Variants in DRC1 observed in about 807,000 individuals in gnomAD.
The protein encoded by DRC1 is dynein regulatory complex protein 1.
Under a neutral mutation model 98.7 loss-of-function variants are expected in DRC1, and 74 were observed. The observed-to-expected ratio is 0.75, with a 90% CI of 0.62 to 0.91. DRC1 has a LOEUF of 0.91. DRC1 is among the 40% of genes least tolerant of loss of function. DRC1 has a pLI of 0.00. For synonymous variants in DRC1, 336 were observed against 334.1 expected (o/e 1.01, Z -0.06); for missense variants, 875 against 886.0 (o/e 0.99, Z 0.16).
intron 4 of DRC1, among the ~76,000 whole-genome samples, chr2:26,424,957 A>G (rs572942297): frequency 7.2e-5 from 11 of 152,000 alleles, no homozygotes; most frequent in Admixed American, 7.2e-4. Context: ...CTCTGTCTCA[A>G]AACAAAAACC....
Position 26,429,727 on chromosome 2 carries a change from G to A in DRC1, c.640G>A (p.Val214Met), listed in dbSNP as rs766549612. Residue 214 changes from valine to methionine, a missense_variant, in exon 5 of 17, where the codon GTG (valine) becomes ATG (methionine). Transcript: ENST00000288710. The stretch of plus-strand genomic sequence containing the variant: ...GCGGATGGAAGAACAGGTGAAGAAT[G>A]TGATGAAAACCTTTCGTGAGGAGCT... ...LERMEEQVKN[V>M]MKTFREELYN... 5 of 1,614,108 alleles carry A rather than the reference G, an allele frequency of 3.1e-6. No homozygotes were observed. Among genetic ancestry groups the A allele is most frequent in the Non-Finnish European group, 3.4e-6 (4 of 1,179,994 alleles).
rs1021216982 is a variant in DRC1, at chr2:26,440,470, T to C, written c.981T>C (p.Asp327=). 4 of 1,613,352 alleles carry C rather than the reference T, an allele frequency of 2.5e-6. No homozygotes were observed. Among genetic ancestry groups the C allele is most frequent in the East Asian group, 4.5e-5 (2 of 44,828 alleles). ...EYNLQVLKKR[D]EESTVIKSQQ... Reference sequence around the variant, plus strand: ...ACTTGCAGGTGCTGAAGAAGAGAGATGAAGAAAGCACAGTAATTAAATCCC... The same window carrying C: ...ACTTGCAGGTGCTGAAGAAGAGAGACGAAGAAAGCACAGTAATTAAATCCC... Residue 327 remains aspartate, a synonymous_variant, in exon 8 of 17, where the codon GAT becomes GAC. Coordinates refer to ENST00000288710, the MANE Select transcript of DRC1 (RefSeq NM_145038.5).
chr2:26,425,461 A>G (rs1663259339), intron 4 of DRC1, among the ~76,000 whole-genome samples: 1 of 152,226 alleles, frequency 6.6e-6, no homozygotes, highest in Admixed American at 6.5e-5. Context: ...GCTGGGTCAT[A>G]TGGTAATTCT....
chr2:26,415,792 C>T (rs1289392482), intron 2 of DRC1, among the ~76,000 whole-genome samples: 1 of 152,086 alleles, frequency 6.6e-6, no homozygotes, highest in African/African-American at 2.4e-5. Flanking sequence ...GTTGGCTGGG[C>T]CTGGTGGCAC....
chr2:26,456,326 C>A, intron 16 of DRC1, 135 bp from the exon 17 acceptor site: 1 of 1,068,244 alleles, frequency 9.4e-7, no homozygotes, highest in Non-Finnish European at 1.4e-6. Context: ...TGTGGGTGTT[C>A]AGCATCTCTC....
intron 4 of DRC1, 124 bp from the exon 5 acceptor site, chr2:26,429,504 C>A: frequency 7.7e-7 from 1 of 1,299,036 alleles, no homozygotes; most frequent in Non-Finnish European, 1.1e-6. Flanking sequence ...CTGTGCGCAG[C>A]CCTCTTTGTA....
chr2:26,412,731 A>C (rs1253811768), intron 1 of DRC1, among the ~76,000 whole-genome samples: 4 of 152,204 alleles, frequency 2.6e-5, no homozygotes, highest in East Asian at 1.9e-4. Context: ...TTCGTTTGTC[A>C]TATATACTTC....
chr2:26,403,913 G>A (rs569038272), intron 1 of DRC1, among the ~76,000 whole-genome samples: 88 of 151,252 alleles, frequency 5.8e-4, no homozygotes, highest in African/African-American at 2.0e-3. Context: ...CAGCCTGACC[G>A]ACATGGTGAA....
At chr2:26,416,568 G>A (rs1678812118) in intron 2 of DRC1, among the ~76,000 whole-genome samples, 1 of 152,078 alleles carries the variant, frequency 6.6e-6, no homozygotes, top group Non-Finnish European at 1.5e-5. Context: ...TTTGGCCTAT[G>A]ACCTATCTGG....
intron 4 of DRC1, among the ~76,000 whole-genome samples, chr2:26,427,806 A>T (rs532249050): frequency 1.3e-5 from 2 of 152,208 alleles, no homozygotes; most frequent in African/African-American, 4.8e-5. Context: ...TAGCTCCCAC[A>T]AATGAGTGAG....
At chr2:26,408,132 T>A (rs1678482432) in intron 1 of DRC1, among the ~76,000 whole-genome samples, 1 of 152,178 alleles carries the variant, frequency 6.6e-6, no homozygotes, top group Admixed American at 6.5e-5. Flanking sequence ...CTTTTTCAGT[T>A]GACATCTAGA....
chr2:26,428,388 A>G (rs564879716), intron 4 of DRC1, among the ~76,000 whole-genome samples: 2 of 152,362 alleles, frequency 1.3e-5, no homozygotes, highest in African/African-American at 4.8e-5. Flanking sequence ...GGTATATGAT[A>G]TAACTAATTG....
At chr2:26,423,664 C>T (rs1055674940) in intron 3 of DRC1, among the ~76,000 whole-genome samples, 2 of 152,190 alleles carry the variant, frequency 1.3e-5, no homozygotes, top group Admixed American at 6.5e-5. Context: ...AGAGGAGTAG[C>T]CAGACACTTG....
rs1335292658 is a variant in DRC1, at chr2:26,418,717, TATATAAATTATATTTAATTTATATATA to T, written c.244-2555_244-2529del. Among the ~76,000 whole-genome samples the T allele has an allele frequency of 7.6e-3, 752 of 99,060 alleles. 22 individuals are homozygous for T. The South Asian group carries it at 0.09, about 12-fold the overall frequency. The allele number at this position is 99,060 out of a possible 152,430, so 65.0% of individuals were successfully genotyped here. A position where few individuals can be genotyped will look rare whatever the true frequency, so the allele number is the denominator to read the frequency against. ...TATAAATTATATTTAATTTATATAA[TATATAAATTATATTTAATTTATATATA>T]ATATAAATTATATTTTTATATATTA... is the stretch of plus-strand genomic sequence containing the variant. On this transcript the variant is annotated intron_variant, in intron 2 of 16. Coordinates refer to ENST00000288710, the MANE Select transcript of DRC1 (RefSeq NM_145038.5).
chr2:26,410,209 GA>G (rs1297227149), intron 1 of DRC1, among the ~76,000 whole-genome samples: 1 of 149,376 alleles, frequency 6.7e-6, no homozygotes, highest in African/African-American at 2.4e-5. Flanking sequence ...CTAGAAAATA[GA>G]GCGCAAAGAA....
chr2:26,433,203 T>G (rs567844735), intron 7 of DRC1, among the ~76,000 whole-genome samples: 1 of 152,336 alleles, frequency 6.6e-6, no homozygotes, highest in African/African-American at 2.4e-5. Flanking sequence ...AGCTAAAAAA[T>G]GTATCTCTAA....
rs1380148768 is a variant in DRC1, at chr2:26,431,968, T to C, written c.850T>C (p.Tyr284His). The C allele has an allele frequency of 6.2e-7, 1 of 1,614,210 alleles. No individual in the cohort carries two copies. Among genetic ancestry groups the C allele is most frequent in the South Asian group, 1.1e-5 (1 of 91,090 alleles). The change falls in exon 7 of 17, where the codon TAC becomes CAC. Residue 284 changes from tyrosine to histidine, a missense_variant. Tyr to His is a moderately conservative substitution (Grantham distance 83). Coordinates refer to ENST00000288710, the MANE Select transcript of DRC1 (RefSeq NM_145038.5). ...NRQRIWDCEE[Y>H]NMIKIKLEQD... ...GCAGAGGATCTGGGATTGCGAAGAATACAACATGATCAAGATCAAGCTGGA... is the reference window on the plus strand; with the variant it reads ...GCAGAGGATCTGGGATTGCGAAGAACACAACATGATCAAGATCAAGCTGGA...
At chr2:26,449,083 A>G (rs1215027905) in intron 11 of DRC1, among the ~76,000 whole-genome samples, 2 of 152,236 alleles carry the variant, frequency 1.3e-5, no homozygotes, top group Admixed American at 6.5e-5. Flanking sequence ...CCAGCTTAAA[A>G]TGATGCTGCT....
chr2:26,428,696 G>A (rs1445822518), intron 4 of DRC1, among the ~76,000 whole-genome samples: 1 of 152,072 alleles, frequency 6.6e-6, no homozygotes, highest in African/African-American at 2.4e-5. Context: ...TACCCGGGAG[G>A]CTGGGGCAGG....
Sources: allele counts gnomAD v4.1 joint callset (sites outside exome capture counted in the v4.1 genomes callset), GRCh38; gene constraint gnomAD v4.1.1; transcripts MANE v1.5; gene names NCBI Gene and HGNC (gene_info 2026-07-23, HGNC 2026-07-21).